The following MYH2 variants were observed in gnomAD, a reference collection of about 807,000 sequenced individuals.
MYH2 encodes myosin heavy chain 2.
MYH2 carries 139 observed loss-of-function variants against 228.1 expected under a neutral mutation model. The observed-to-expected ratio is 0.61, with a 90% CI of 0.53 to 0.70. The LOEUF (loss-of-function observed/expected upper bound fraction) is 0.70, where lower values mean the gene tolerates loss of function less well. MYH2 is among the 30% of genes least tolerant of loss of function. MYH2 has a pLI of 0.00. For synonymous variants in MYH2, 796 were observed against 871.1 expected (o/e 0.91, Z 1.52); for missense variants, 1,809 against 2,357.5 (o/e 0.77, Z 4.82).
intron 13 of MYH2, 39 bp from the exon 14 acceptor site, chr17:10,539,393 G>A: frequency 1.2e-6 from 2 of 1,614,068 alleles, no homozygotes; most frequent in Non-Finnish European, 1.7e-6. Context: ...GTTATTAAAG[G>A]CCTATGAAAA....
At chr17:10,536,715 G>A in intron 16 of MYH2, 109 bp from the exon 17 acceptor site, 1 of 1,007,356 alleles carries the variant, frequency 9.9e-7, no homozygotes, top group Non-Finnish European at 1.5e-6. Context: ...TACCCAGCTG[G>A]CCTCTCTGAT....
At chr17:10,536,895 C>T in intron 16 of MYH2, among the ~76,000 whole-genome samples, 1 of 152,186 alleles carries the variant, frequency 6.6e-6, no homozygotes, top group East Asian at 1.9e-4. Context: ...GAAGCTAGTA[C>T]TGAGAGGTGG....
chr17:10,521,466 A>G lies in MYH2; in HGVS notation c.5674-34T>C, dbSNP rs746173736. On this transcript the variant is annotated intron_variant, in intron 39 of 39. Coordinates refer to ENST00000245503, the MANE Select transcript of MYH2 (RefSeq NM_017534.6). ...AAAAATGGAATTGTAAGGAACTCATACTTGCATCTTTCTAGACTCTTTAGA... is the reference window on the plus strand; with the variant it reads ...AAAAATGGAATTGTAAGGAACTCATGCTTGCATCTTTCTAGACTCTTTAGA... 2.5e-6 allele frequency: 4 copies of G among 1,609,190 alleles called. 1 individual carries two copies. The South Asian group carries it at 4.4e-5, about 18-fold the overall frequency.
chr17:10,535,679 C>A (rs1283136644), intron 17 of MYH2, among the ~76,000 whole-genome samples: 2 of 152,202 alleles, frequency 1.3e-5, no homozygotes, highest in Non-Finnish European at 2.9e-5. Flanking sequence ...CCATTGCCTT[C>A]CCATGCGAGA....
At chr17:10,530,279 C>T (rs1170966445) in intron 22 of MYH2, among the ~76,000 whole-genome samples, 3 of 152,152 alleles carry the variant, frequency 2.0e-5, no homozygotes, top group African/African-American at 7.2e-5. Context: ...ATTTTGTTCC[C>T]CTAAAAGAAT....
At position 10,524,794 on chromosome 17, in the gene MYH2, G is replaced by C; in HGVS notation, c.4934C>G (p.Ala1645Gly). Residue 1645 changes from alanine to glycine, a missense_variant, in exon 34 of 40, where the codon GCC becomes GGC. Physicochemically the swap from Ala to Gly is moderately conservative, Grantham distance 60. Around this residue, in one of 9 missense-constraint regions of MYH2, gnomAD observed 75 missense variants for 131.2 expected, o/e 0.57. Transcript: ENST00000245503. This position sits in a 1 kb window ranked among gnomAD's most constrained non-coding sequence, Gnocchi z 4.7. Reference protein sequence around the residue: ...LNHANRMAAEALRNYRNTQGI... With the variant: ...LNHANRMAAEGLRNYRNTQGI... ...TTGGGTGTTCCTGTAGTTCCTCAGG[G>C]CCTCAGCAGCCATGCGGTTGGCATG... The C allele has an allele frequency of 6.2e-7, 1 of 1,614,100 alleles. No individual in the cohort carries two copies. Among genetic ancestry groups the C allele is most frequent in the Non-Finnish European group, 8.5e-7 (1 of 1,180,018 alleles).
At position 10,523,789 on chromosome 17, in the gene MYH2, T is replaced by C. The variant is rs2073314380; in HGVS notation, c.5271A>G (p.Ala1757=). The change falls in exon 36 of 40, where the codon GCA becomes GCG. Residue 1757 remains alanine (A), a synonymous_variant. Coordinates refer to ENST00000245503, the MANE Select transcript of MYH2 (RefSeq NM_017534.6). ...TGATGGCCTTCTTGGCCTTTTCTTCTGCATTGCGGGCTTCCTGGAGAATGT... is the reference window on the plus strand; with the variant it reads ...TGATGGCCTTCTTGGCCTTTTCTTCCGCATTGCGGGCTTCCTGGAGAATGT... The part of the protein sequence containing the change: ...MEDILQEARN[A]EEKAKKAITD... 6.2e-7 allele frequency: 1 copy of C among 1,614,142 alleles called. No individual in the cohort carries two copies. The highest frequency in any genetic ancestry group is 1.1e-5 in the South Asian group (1 of 91,086).
In MYH2 at chr17:10,524,715, G is replaced by A. The variant is rs1240694962; in HGVS notation, c.4971+42C>T. The A allele has an allele frequency of 8.1e-6, 13 of 1,614,086 alleles. 1 individual carries two copies. In the Admixed American group the frequency reaches 2.2e-4, roughly 27 times the overall value. ...GAGACATCATGTTCTCAGGGTTGCA[G>A]GCACCCCAATAGTCCTGGGACCATC... On this transcript the variant is annotated intron_variant, in intron 34 of 39. Coordinates refer to ENST00000245503, the MANE Select transcript of MYH2 (RefSeq NM_017534.6). This position sits in a 1 kb window ranked among gnomAD's most constrained non-coding sequence, Gnocchi z 4.7.
At position 10,525,391 on chromosome 17, in the gene MYH2, G is replaced by A; in HGVS notation, c.4538-43C>T. On this transcript the variant is annotated intron_variant, in intron 32 of 39. Transcript: ENST00000245503. The surrounding 1 kb of genome is among the most constrained non-coding windows in gnomAD (Gnocchi z 4.2). ...GACAGGTAGGGATTTGGTTAAACAT[G>A]TGACATAAGGGAGAGATTCTTCCAA... is the stretch of plus-strand genomic sequence containing the variant. 2 of 1,614,116 alleles carry A rather than the reference G, an allele frequency of 1.2e-6. No individual in the cohort carries two copies. The highest frequency in any genetic ancestry group is 1.7e-6 in the Non-Finnish European group (2 of 1,179,976).
intron 27 of MYH2, among the ~76,000 whole-genome samples, chr17:10,528,137 G>A (rs1315117838): frequency 6.7e-6 from 1 of 148,202 alleles, no homozygotes; most frequent in Non-Finnish European, 1.5e-5. Context: ...TCCGCCTCCC[G>A]GGTTCAAGCG....
chr17:10,525,347 C>G lies in MYH2; in HGVS notation c.4539G>C (p.Gln1513His). Residue 1513 changes from glutamine (Q) to histidine (H), a missense_variant and splice_region_variant, in exon 33 of 40, where the codon CAG (glutamine) becomes CAC (histidine). This residue lies in a region of MYH2 where 636 missense variants were observed against 729.9 expected (regional missense o/e 0.87). Transcript: ENST00000245503. This position sits in a 1 kb window ranked among gnomAD's most constrained non-coding sequence, Gnocchi z 4.2. ...TLKRENKNLQ[Q>H]EISDLTEQIA... ...TCTGTTCCGTGAGGTCAGAAATCTC[C>G]TCTGTTGTTTGAGTAAAAGACAGGT... The G allele has an allele frequency of 1.2e-6, 2 of 1,614,166 alleles. No individual in the cohort carries two copies. The highest frequency in any genetic ancestry group is 1.7e-6 in the Non-Finnish European group (2 of 1,180,024).
Position 10,529,466 on chromosome 17 carries a change from C to T in MYH2, c.3133G>A (p.Glu1045Lys). 1 of 1,614,176 alleles carries T rather than the reference C, an allele frequency of 6.2e-7. No homozygotes were observed. Among genetic ancestry groups the T allele is most frequent in the Non-Finnish European group, 8.5e-7 (1 of 1,180,046 alleles). Residue 1045 changes from glutamate to lysine, a missense_variant, in exon 25 of 40, where the codon GAG becomes AAG. Physicochemically the swap from Glu to Lys is moderately conservative, Grantham distance 56. Around this residue, in one of 9 missense-constraint regions of MYH2, gnomAD observed 636 missense variants for 729.9 expected, o/e 0.87. Transcript: ENST00000245503. ...QQVDDLEGSL[E>K]QEKKLRMDLE... ...TCCATGCGAAGTTTCTTTTCTTGCT[C>T]CAAGGACCCTTCAAGCTAAATATAA...
In MYH2 at chr17:10,525,702, G is replaced by A; in HGVS notation, c.4362C>T (p.Asn1454=). ...ATGCTGGAGGAATTACCTTATCGAA[G>A]TTCCTTTGCTTTTTGTCAAGGGCGG... ...ACAALDKKQR[N]FDKILAEWKQ... is the part of the protein sequence containing the mutation. Residue 1454 remains asparagine, a synonymous_variant, in exon 31 of 40, where the codon AAC becomes AAT. Coordinates refer to ENST00000245503, the MANE Select transcript of MYH2 (RefSeq NM_017534.6). The surrounding 1 kb of genome is among the most constrained non-coding windows in gnomAD (Gnocchi z 4.2). 1 of 1,614,192 alleles carries A rather than the reference G, an allele frequency of 6.2e-7. No individual in the cohort carries two copies. Among genetic ancestry groups the A allele is most frequent in the Non-Finnish European group, 8.5e-7 (1 of 1,180,030 alleles).
rs112712263 is a variant in MYH2 at position 10,529,772 on chromosome 17, A to C, written c.2941-32T>G. On this transcript the variant is annotated intron_variant, in intron 23 of 39. Coordinates refer to ENST00000245503, the MANE Select transcript of MYH2 (RefSeq NM_017534.6). ...AGGTGAAGAAAGCAGTTTAGTTGCT[A>C]TAAAGCACCTTTGTTGGGTGGCAGA... is the stretch of plus-strand genomic sequence containing the variant. 2,271 of 1,611,256 alleles carry C rather than the reference A, an allele frequency of 1.4e-3. 28 individuals are homozygous for C. Among genetic ancestry groups the C allele is most frequent in the African/African-American group, 0.012 (902 of 73,196 alleles).
In MYH2 at chr17:10,521,211, C is replaced by G; in HGVS notation, c.*69G>C. 1 of 1,566,316 alleles carries G rather than the reference C, an allele frequency of 6.4e-7. No homozygotes were observed. The highest frequency in any genetic ancestry group is 8.8e-7 in the Non-Finnish European group (1 of 1,138,534). On this transcript the variant is annotated 3_prime_UTR_variant, in exon 40 of 40. Transcript: ENST00000245503. ...AACAGGGTAGAATACACAATAATTA[C>G]AGAGGGAAATGACCAAAGATGTCAC...
chr17:10,549,321 C>A (rs1251841198), intron 2 of MYH2, 54 bp downstream of exon 2: 1 of 152,660 alleles, frequency 6.6e-6, no homozygotes, highest in Non-Finnish European at 1.5e-5. Flanking sequence ...TGACAGAAAT[C>A]CATCCCAGAG....
Position 10,547,923 on chromosome 17 carries a change from CT to C in MYH2, c.-4del, listed in dbSNP as rs1465464005. The C allele has an allele frequency of 6.2e-7, 1 of 1,614,122 alleles. No individual in the cohort carries two copies. Among genetic ancestry groups the C allele is most frequent in the African/African-American group, 1.3e-5 (1 of 75,058 alleles). ...GCCAATTCTGAGTCTGAACTCATGGCTGCTGAACTCAGAGGTCCTAAAGGAG... is the reference window on the plus strand; with the variant it reads ...GCCAATTCTGAGTCTGAACTCATGGCGCTGAACTCAGAGGTCCTAAAGGAG... On this transcript the variant is annotated 5_prime_UTR_variant, in exon 3 of 40. Transcript: ENST00000245503.
rs2073497037 is a variant in MYH2, at chr17:10,537,573, C to T, written c.1588-31G>A. 1 of 1,613,998 alleles carries T rather than the reference C, an allele frequency of 6.2e-7. No individual in the cohort carries two copies. The highest frequency in any genetic ancestry group is 1.3e-5 in the African/African-American group (1 of 74,986). Reference sequence around the variant, plus strand: ...AAGCAGACCACAACACAAAATTGTACTTCTATTTTTTTTTCTGTCTATAGA... The same window carrying T: ...AAGCAGACCACAACACAAAATTGTATTTCTATTTTTTTTTCTGTCTATAGA... On this transcript the variant is annotated intron_variant, in intron 15 of 39. Transcript: ENST00000245503. This position sits in a 1 kb window ranked among gnomAD's most constrained non-coding sequence, Gnocchi z 4.0.
At chr17:10,549,168 A>G (rs1043859363) in intron 2 of MYH2, among the ~76,000 whole-genome samples, 1 of 152,188 alleles carries the variant, frequency 6.6e-6, no homozygotes, top group Non-Finnish European at 1.5e-5. Context: ...CCCTGCTCAA[A>G]TGTCACCCCA....
Sources: allele counts gnomAD v4.1 joint callset (sites outside exome capture counted in the v4.1 genomes callset), GRCh38; gene constraint gnomAD v4.1.1; regional missense constraint gnomAD v4.1.1; non-coding constraint Gnocchi (gnomAD v3.1); transcripts MANE v1.5; gene names NCBI Gene and HGNC (gene_info 2026-07-23, HGNC 2026-07-21).